MLIP: variants seen among roughly 807,000 people sequenced by gnomAD.
MLIP encodes the protein muscular LMNA interacting protein.
In MLIP, 79 loss-of-function variants were observed where a neutral mutation model predicts 84.8. The observed-to-expected ratio is 0.93, with a 90% CI of 0.78 to 1.12. The LOEUF is 1.12. Ranked by LOEUF, MLIP falls within the 50% of genes most tolerant of loss-of-function variation. The pLI, the probability that MLIP is intolerant of heterozygous loss-of-function variation, is 0.00. For synonymous variants in MLIP, 504 were observed against 463.0 expected, an observed-to-expected ratio of 1.09 and a Z score of -1.14; for missense variants, 1,257 against 1,160.6, an observed-to-expected ratio of 1.08 and a Z score of -1.21.
intron 1 of MLIP, among the ~76,000 whole-genome samples, chr6:54,020,215 A>ATGTGTAAGATAATCTATC (rs1763418850): frequency 6.6e-6 from 1 of 152,202 alleles, no homozygotes; most frequent in Non-Finnish European, 1.5e-5. Flanking sequence ...GTCTCAGTTA[A>ATGTGTAAGATAATCTATC]TTCATGTGTA....
chr6:54,246,146 T>C (rs568059692), intron 12 of MLIP, among the ~76,000 whole-genome samples: 38 of 152,252 alleles, frequency 2.5e-4, no homozygotes, highest in African/African-American at 8.4e-4. Flanking sequence ...AGAATATGAC[T>C]GTGAGGGTGG....
intron 12 of MLIP, among the ~76,000 whole-genome samples, chr6:54,246,271 C>A (rs558986771): frequency 1.7e-4 from 26 of 152,244 alleles, no homozygotes; most frequent in Non-Finnish European, 3.5e-4. Context: ...GCTTTCAAAG[C>A]ATTAGAAGTC....
At chr6:54,082,317 C>T (rs1001171902) in intron 1 of MLIP, among the ~76,000 whole-genome samples, 4 of 152,088 alleles carry the variant, frequency 2.6e-5, no homozygotes, top group Admixed American at 1.3e-4. Flanking sequence ...TTCATGTACA[C>T]GATTTCTTGG....
intron 11 of MLIP, among the ~76,000 whole-genome samples, chr6:54,209,140 G>A (rs1020203043): frequency 6.6e-6 from 1 of 152,152 alleles, no homozygotes; most frequent in South Asian, 2.1e-4. Context: ...TAAAATGTGT[G>A]TTATAGACAG....
chr6:54,235,584 A>C (rs1781308348), intron 12 of MLIP, among the ~76,000 whole-genome samples: 1 of 152,188 alleles, frequency 6.6e-6, no homozygotes, highest in Admixed American at 6.6e-5. Context: ...GCAAGGTAGT[A>C]AAGATCTATT....
intron 13 of MLIP, among the ~76,000 whole-genome samples, chr6:54,262,568 C>A (rs1322317704): frequency 6.6e-6 from 1 of 151,954 alleles, no homozygotes; most frequent in Non-Finnish European, 1.5e-5. Flanking sequence ...TAACTTTGAG[C>A]CAGGCTTGAG....
chr6:54,024,014 ATTAT>A (rs1442284592), intron 1 of MLIP, among the ~76,000 whole-genome samples: 2 of 152,062 alleles, frequency 1.3e-5, no homozygotes, highest in African/African-American at 4.8e-5. Context: ...GGTTAATTAA[ATTAT>A]TTATTTATTT....
At chr6:54,039,885 G>T (rs112999530) in intron 1 of MLIP, among the ~76,000 whole-genome samples, 1,750 of 152,030 alleles carry the variant, frequency 0.012, 26 homozygotes, top group Non-Finnish European at 0.016. Flanking sequence ...AATAACTGCA[G>T]AATTCTCCAC....
chr6:54,027,953 A>T (rs1763914521), intron 1 of MLIP, among the ~76,000 whole-genome samples: 1 of 152,184 alleles, frequency 6.6e-6, no homozygotes, highest in African/African-American at 2.4e-5. Context: ...ACGTGTGGCG[A>T]AATATTTTCT....
intron 11 of MLIP, among the ~76,000 whole-genome samples, chr6:54,213,909 T>C (rs1172082049): frequency 6.6e-6 from 1 of 152,018 alleles, no homozygotes; most frequent in Non-Finnish European, 1.5e-5. Context: ...AATAAAACCA[T>C]GGTCTATTCT....
chr6:54,092,196 A>G (rs1435089098), intron 1 of MLIP, among the ~76,000 whole-genome samples: 1 of 152,192 alleles, frequency 6.6e-6, no homozygotes, highest in East Asian at 1.9e-4. Context: ...AGTTTCTGCA[A>G]ATGAGTAGTG....
chr6:54,083,303 AAG>A (rs1767279165), intron 1 of MLIP: 1 of 469,218 alleles, frequency 2.1e-6, no homozygotes, highest in African/African-American at 1.9e-5. Flanking sequence ...TTTCCAGGCA[AAG>A]AGTTTCTCTT....
chr6:54,119,866 C>T (rs1006260248), intron 1 of MLIP, among the ~76,000 whole-genome samples: 2 of 152,158 alleles, frequency 1.3e-5, no homozygotes, highest in Non-Finnish European at 2.9e-5. Context: ...TTTCCATTTC[C>T]ACCACTTTAC....
chr6:54,196,290 C>G (rs1315106062), intron 10 of MLIP, among the ~76,000 whole-genome samples: 1 of 152,104 alleles, frequency 6.6e-6, no homozygotes, highest in Non-Finnish European at 1.5e-5. Flanking sequence ...ATCAAACCAT[C>G]ACTTCTGTAT....
At chr6:54,057,586 G>T (rs1415634136) in intron 1 of MLIP, among the ~76,000 whole-genome samples, 2 of 152,104 alleles carry the variant, frequency 1.3e-5, no homozygotes, top group African/African-American at 2.4e-5. Context: ...TTCTCCTTCT[G>T]CAGAAATCTC....
chr6:54,176,412 A>G (rs980183318), intron 9 of MLIP, among the ~76,000 whole-genome samples: 3 of 151,772 alleles, frequency 2.0e-5, no homozygotes, highest in African/African-American at 7.3e-5. Context: ...CTTTGATTTC[A>G]TTAGTTGTTA....
At chr6:54,189,729 A>C in intron 9 of MLIP, 141 bp from the exon 10 acceptor site, 1 of 618,976 alleles carries the variant, frequency 1.6e-6, no homozygotes, top group Non-Finnish European at 2.8e-6. Flanking sequence ...TGGTGGCATA[A>C]GGATATTTTT....
upstream of MLIP, among the ~76,000 whole-genome samples, chr6:54,109,734 G>C (rs77311837): frequency 0.016 from 2,487 of 152,108 alleles, 81 homozygotes; most frequent in African/African-American, 0.056. Flanking sequence ...ACCAGCAGCA[G>C]ATCTGGGGTG....
At chr6:54,143,193 C>A (rs946153592) in intron 4 of MLIP, among the ~76,000 whole-genome samples, 4 of 151,178 alleles carry the variant, frequency 2.6e-5, no homozygotes, top group Admixed American at 2.0e-4. Flanking sequence ...TCCTCTCTAA[C>A]CCCGCACTCC....
Sources: allele counts gnomAD v4.1 joint callset (sites outside exome capture counted in the v4.1 genomes callset), GRCh38; gene constraint gnomAD v4.1.1; transcripts MANE v1.5; gene names NCBI Gene and HGNC (gene_info 2026-07-23, HGNC 2026-07-21).